Variants in ATP5F1A observed in about 807,000 individuals in gnomAD.
ATP5F1A encodes ATP synthase F(1) complex subunit alpha, mitochondrial.
Under a neutral mutation model 57.4 loss-of-function variants are expected in ATP5F1A, and 24 were observed. The observed-to-expected ratio is 0.42, with a 90% confidence interval of 0.30 to 0.59. The LOEUF (loss-of-function observed/expected upper bound fraction) is 0.59. ATP5F1A is among the 20% of genes least tolerant of loss of function. ATP5F1A has a pLI of 0.19. For missense variants in ATP5F1A, 494 were observed against 707.9 expected, an observed-to-expected ratio of 0.70 and a Z score of 3.43; for synonymous variants, 251 against 255.5, an observed-to-expected ratio of 0.98 and a Z score of 0.17.
chr18:46,092,064 G>C (rs994134595), intron 2 of ATP5F1A: 2 of 291,148 alleles, frequency 6.9e-6, no homozygotes, highest in Admixed American at 5.0e-5. Flanking sequence ...CCAGCTACTC[G>C]GGAGGCGGAG....
At chr18:46,102,575 C>T (rs1287168389), upstream of ATP5F1A, among the ~76,000 whole-genome samples, 6 of 152,116 alleles carry the variant, frequency 3.9e-5, no homozygotes, top group South Asian at 2.1e-4. Flanking sequence ...CCACCTGCCT[C>T]GGCCTCCCAA....
chr18:46,098,268 G>A lies in ATP5F1A; in HGVS notation c.-37C>T. The A allele has an allele frequency of 2.5e-6, 4 of 1,587,448 alleles. No individual in the cohort carries two copies. The highest frequency in any genetic ancestry group is 3.4e-6 in the Non-Finnish European group (4 of 1,171,006). On this transcript the variant is annotated 5_prime_UTR_variant, in exon 1 of 12. Transcript: ENST00000398752. ...CTCCGCAGGCGGTACTTCTGCAGCC[G>A]CAGCCTCCGGACTGACTGGGACAAA...
At position 46,087,152 on chromosome 18, in the gene ATP5F1A, T is replaced by C. The variant is rs1230615436; in HGVS notation, c.1032A>G (p.Leu344=). The C allele has an allele frequency of 6.2e-7, 1 of 1,614,056 alleles. No individual in the cohort carries two copies. Among genetic ancestry groups the C allele is most frequent in the Non-Finnish European group, 8.5e-7 (1 of 1,179,956 alleles). Residue 344 remains leucine, a synonymous_variant, in exon 8 of 12, where the codon CTA becomes CTG. Coordinates refer to ENST00000398752, the MANE Select transcript of ATP5F1A (RefSeq NM_004046.6). The stretch of plus-strand genomic sequence containing the variant: ...CTGCTCTCTCCAGCAACCGGGAGTG[T>C]AGGTAGAACACATCACCAGGATAGG... The part of the protein sequence containing the change: ...REAYPGDVFY[L]HSRLLERAAK...
chr18:46,091,400 AAC>A (rs1439153503), intron 3 of ATP5F1A, among the ~76,000 whole-genome samples: 1 of 152,238 alleles, frequency 6.6e-6, no homozygotes, highest in African/African-American at 2.4e-5. Context: ...AGCAAGACAG[AAC>A]AGACTTAAAC....
intron 5 of ATP5F1A, chr18:46,088,831 T>C (rs1463374211): frequency 6.6e-6 from 1 of 152,060 alleles, no homozygotes; most frequent in East Asian, 1.9e-4. Context: ...GGGAATGGAA[T>C]GTCTTGGTGT....
At chr18:46,084,432 G>T in intron 11 of ATP5F1A, 69 bp from the exon 12 acceptor site, 1 of 1,576,234 alleles carries the variant, frequency 6.3e-7, no homozygotes, top group Non-Finnish European at 8.6e-7. Flanking sequence ...CCTAACTACA[G>T]ATTTGAAAAT....
rs1483646285 is a variant in ATP5F1A, at chr18:46,080,497, A to G, written c.*3785T>C. 4 of 152,206 alleles carry G rather than the reference A, an allele frequency of 2.6e-5. No individual in the cohort carries two copies. Among genetic ancestry groups the G allele is most frequent in the African/African-American group, 9.7e-5 (4 of 41,446 alleles). The allele number at this position is 152,206 out of a possible 1,614,324, so 9.4% of individuals were successfully genotyped here. ...GTCATTAGTCTGTAAGTACTTAGTAAAAAGCAGTATTTGAATCTCATGGTT... is the reference window on the plus strand; with the variant it reads ...GTCATTAGTCTGTAAGTACTTAGTAGAAAGCAGTATTTGAATCTCATGGTT... On this transcript the variant is annotated 3_prime_UTR_variant, in exon 12 of 12. Transcript: ENST00000398752.
At chr18:46,092,077 T>G (rs1282369792) in intron 2 of ATP5F1A, 3 of 256,564 alleles carry the variant, frequency 1.2e-5, no homozygotes, top group Non-Finnish European at 2.2e-5. Context: ...AGGCGGAGGC[T>G]GAGGCAGAAG....
upstream of ATP5F1A, among the ~76,000 whole-genome samples, chr18:46,101,878 T>TG (rs763464987): frequency 7.8e-4 from 91 of 116,342 alleles, no homozygotes; most frequent in Non-Finnish European, 1.2e-3. Context: ...AGATTCTGTC[T>TG]GAAAAAAAAA....
At chr18:46,091,184 C>A (rs898950639) in intron 3 of ATP5F1A, among the ~76,000 whole-genome samples, 2 of 152,202 alleles carry the variant, frequency 1.3e-5, no homozygotes, top group Non-Finnish European at 2.9e-5. Context: ...CTAACTCCTA[C>A]AACTTATTTC....
rs943627304 is a variant in ATP5F1A at position 46,082,724 on chromosome 18, T to A, written c.*1558A>T. ...AAAAAAAAAGGTAACACATTAAGAATGAGCAAAGGCTATGAAAAATTAAAA... is the reference window on the plus strand; with the variant it reads ...AAAAAAAAAGGTAACACATTAAGAAAGAGCAAAGGCTATGAAAAATTAAAA... On this transcript the variant is annotated 3_prime_UTR_variant, in exon 12 of 12. Transcript: ENST00000398752. The A allele has an allele frequency of 4.6e-5, 7 of 151,658 alleles. No homozygotes were observed. The highest frequency in any genetic ancestry group is 4.4e-5 in the Non-Finnish European group (3 of 67,956). The allele number at this position is 151,658 out of a possible 1,614,324, so 9.4% of individuals were successfully genotyped here. A position where few individuals can be genotyped will look rare whatever the true frequency, so the allele number is the denominator to read the frequency against.
chr18:46,102,319 GTTTTTGTTTT>G (rs1294701598), upstream of ATP5F1A, among the ~76,000 whole-genome samples: 1 of 151,792 alleles, frequency 6.6e-6, no homozygotes, highest in Non-Finnish European at 1.5e-5. Flanking sequence ...GATATATTTA[GTTTTTGTTTT>G]TTTTTGTTTT....
At chr18:46,088,948 G>A (rs1311455641) in intron 5 of ATP5F1A, among the ~76,000 whole-genome samples, 1 of 151,944 alleles carries the variant, frequency 6.6e-6, no homozygotes, top group Non-Finnish European at 1.5e-5. Context: ...TGAGATGTTT[G>A]TGTAAAGTCA....
At chr18:46,088,289 CTAAACT>C (rs1910273863) in intron 5 of ATP5F1A, 32 bp from the exon 6 acceptor site, 1 of 1,541,482 alleles carries the variant, frequency 6.5e-7, no homozygotes, top group Non-Finnish European at 8.7e-7. Flanking sequence ...ATAAATCTTC[CTAAACT>C]TAAAAGGACT....
At position 46,084,378 on chromosome 18, in the gene ATP5F1A, A is replaced by C; in HGVS notation, c.1581-15T>G. 1 of 1,608,846 alleles carries C rather than the reference A, an allele frequency of 6.2e-7. No individual in the cohort carries two copies. Among genetic ancestry groups the C allele is most frequent in the Non-Finnish European group, 8.5e-7 (1 of 1,178,326 alleles). ...TTCCATCAGCCCTATTTGGAAATAA[A>C]AGCAGGTCGTAAGTTCTGACCTGGA... is the stretch of plus-strand genomic sequence containing the variant. On this transcript the variant is annotated splice_polypyrimidine_tract_variant and intron_variant, in intron 11 of 11. Coordinates refer to ENST00000398752, the MANE Select transcript of ATP5F1A (RefSeq NM_004046.6).
rs938504155 is a variant in ATP5F1A at position 46,080,761 on chromosome 18, T to C, written c.*3521A>G. 2 of 152,076 alleles carry C rather than the reference T, an allele frequency of 1.3e-5. No individual in the cohort carries two copies. The highest frequency in any genetic ancestry group is 4.8e-5 in the African/African-American group (2 of 41,432). The allele number at this position is 152,076 out of a possible 1,614,324, so 9.4% of individuals were successfully genotyped here. A position where few individuals can be genotyped will look rare whatever the true frequency, so the allele number is the denominator to read the frequency against. ...GATTACAGGCGTAAGCCACTGCGCC[T>C]GGGCTATCATATTCTTTAAAAATAT... On this transcript the variant is annotated 3_prime_UTR_variant, in exon 12 of 12. Transcript: ENST00000398752.
Position 46,081,084 on chromosome 18 carries a change from C to T in ATP5F1A, c.*3198G>A, listed in dbSNP as rs8085743. On this transcript the variant is annotated 3_prime_UTR_variant, in exon 12 of 12. Transcript: ENST00000398752. ...GGTGGAGGTTGCAGTGAGCCGAGAT[C>T]GCGCCATTGCACTCCAGCCTGGGCA... is the stretch of plus-strand genomic sequence containing the variant. 54,651 of 140,324 alleles carry T rather than the reference C, an allele frequency of 0.39. 10,974 individuals carry two copies. The highest frequency in any genetic ancestry group is 0.52 in the Middle Eastern group (140 of 270). 8.7% of individuals were successfully genotyped at this position (140,324 alleles called of 1,614,324 possible).
At chr18:46,097,972 C>T in intron 1 of ATP5F1A, 200 bp downstream of exon 1, 1 of 1,406,592 alleles carries the variant, frequency 7.1e-7, no homozygotes, top group Non-Finnish European at 9.2e-7. Context: ...ACTGTCTGCC[C>T]TGTACCATTC....
intron 10 of ATP5F1A, chr18:46,085,742 G>A (rs1910036489): frequency 5.4e-6 from 1 of 184,804 alleles, no homozygotes. Flanking sequence ...AGACCAGCCT[G>A]GCCAACATGG....
Sources: allele counts gnomAD v4.1 joint callset (sites outside exome capture counted in the v4.1 genomes callset), GRCh38; gene constraint gnomAD v4.1.1; transcripts MANE v1.5; gene names NCBI Gene and HGNC (gene_info 2026-07-23, HGNC 2026-07-21).